RINT1: variants seen among roughly 807,000 people sequenced by gnomAD.
RINT1 encodes the protein RAD50-interacting protein 1.
RINT1 carries 75 observed loss-of-function variants against 97.7 expected under a neutral mutation model. The observed-to-expected ratio is 0.77, with a 90% CI of 0.64 to 0.93. RINT1 has a LOEUF of 0.93. Ranked by LOEUF, RINT1 falls within the 40% of genes least tolerant of loss-of-function variation. The pLI is 0.00. For synonymous variants in RINT1, 303 were observed against 326.3 expected (o/e 0.93, Z 0.77); for missense variants, 892 against 925.2 (o/e 0.96, Z 0.47).
intron 11 of RINT1, among the ~76,000 whole-genome samples, chr7:105,558,216 A>G (rs545869604): frequency 1.5e-4 from 22 of 150,264 alleles, no homozygotes; most frequent in Non-Finnish European, 2.5e-4. Context: ...AATCGCTTGA[A>G]CCCAGGAGGC....
intron 1 of RINT1, 101 bp downstream of exon 1, chr7:105,532,458 T>C: frequency 7.6e-7 from 1 of 1,322,386 alleles, no homozygotes; most frequent in Non-Finnish European, 1.1e-6. Context: ...CCCTGTAAGC[T>C]TGTGAAGGTG....
chr7:105,541,279 G>A (rs932451093), intron 3 of RINT1, among the ~76,000 whole-genome samples: 4 of 151,256 alleles, frequency 2.6e-5, no homozygotes, highest in African/African-American at 9.7e-5. Flanking sequence ...GGGATTACAA[G>A]GTGTGTGCCA....
Position 105,555,166 on chromosome 7 carries a change from G to C in RINT1, c.1610G>C (p.Cys537Ser), listed in dbSNP as rs757339645. ...AGAGCTTCCCTTGGCTTTCGATACT[G>C]TGCAATTCTTAATGCTGTGAACTAC... is the stretch of plus-strand genomic sequence containing the variant. ...ETRASLGFRY[C>S]AILNAVNYIS... The change falls in exon 11 of 15, where the codon TGT becomes TCT. Residue 537 changes from cysteine to serine, a missense_variant. Coordinates refer to ENST00000257700, the MANE Select transcript of RINT1 (RefSeq NM_021930.6). 18 of 1,614,076 alleles carry C rather than the reference G, an allele frequency of 1.1e-5. No individual in the cohort carries two copies. The highest frequency in any genetic ancestry group is 1.4e-5 in the Non-Finnish European group (17 of 1,180,010).
chr7:105,544,694 CA>C (rs1177961546), intron 4 of RINT1, among the ~76,000 whole-genome samples: 2 of 152,144 alleles, frequency 1.3e-5, no homozygotes, highest in African/African-American at 4.8e-5. Context: ...CTTGGCCTCC[CA>C]AAGTGCTGGG....
intron 10 of RINT1, among the ~76,000 whole-genome samples, chr7:105,552,390 A>T (rs1259204480): frequency 6.6e-6 from 1 of 152,174 alleles, no homozygotes; most frequent in East Asian, 1.9e-4. Context: ...AGAGTAAAAT[A>T]ATGAAGTAAT....
chr7:105,555,953 G>C (rs1012908057), intron 11 of RINT1, among the ~76,000 whole-genome samples: 1 of 152,110 alleles, frequency 6.6e-6, no homozygotes, highest in South Asian at 2.1e-4. Flanking sequence ...GTGAGACCCT[G>C]TCTCTACAAA....
chr7:105,555,119 A>G lies in RINT1; in HGVS notation c.1563A>G (p.Thr521=), dbSNP rs1306120527. Reference sequence around the variant, plus strand: ...TAGATGATTTTAGGATACGATTAACACAAGTGATGAAAGAAGAGACTAGAG... The same window carrying G: ...TAGATGATTTTAGGATACGATTAACGCAAGTGATGAAAGAAGAGACTAGAG... ...DLVDDFRIRL[T]QVMKEETRAS... is the part of the protein sequence containing the mutation. Residue 521 remains threonine (T), a synonymous_variant, in exon 11 of 15, where the codon ACA becomes ACG. Transcript: ENST00000257700. 6.2e-7 allele frequency: 1 copy of G among 1,614,074 alleles called. No homozygotes were observed.
chr7:105,547,429 C>A, intron 6 of RINT1, 96 bp downstream of exon 6: 1 of 1,237,324 alleles, frequency 8.1e-7, no homozygotes, highest in Non-Finnish European at 1.1e-6. Flanking sequence ...GCCAAGAAAG[C>A]CAAATAAGAA....
chr7:105,566,374 T>G (rs1264512172), intron 14 of RINT1: 1 of 152,192 alleles, frequency 6.6e-6, no homozygotes, highest in African/African-American at 2.4e-5. Context: ...CTAAAATTTA[T>G]AGGCCAGGCA....
chr7:105,532,344 C>A lies in RINT1; in HGVS notation c.29C>A (p.Ser10Tyr), dbSNP rs1301146115. The change falls in exon 1 of 15, where the codon TCT becomes TAT. Residue 10 changes from serine (S) to tyrosine (Y), a missense_variant. By Grantham distance (144) the Ser-to-Tyr change is moderately radical. Coordinates refer to ENST00000257700, the MANE Select transcript of RINT1 (RefSeq NM_021930.6). MLPAGEIGA[S>Y]PAAPCCSESG... ...CTACCAGCCGGCGAGATCGGCGCCT[C>A]TCCTGCAGCCCCGGTGAGACGGCCC... The A allele has an allele frequency of 3.1e-6, 5 of 1,600,294 alleles. No homozygotes were observed. The highest frequency in any genetic ancestry group is 1.7e-4 in the Middle Eastern group (1 of 6,044).
intron 2 of RINT1, among the ~76,000 whole-genome samples, chr7:105,534,558 AT>A (rs1790153789): frequency 6.7e-6 from 1 of 149,304 alleles, no homozygotes; most frequent in Non-Finnish European, 1.5e-5. Flanking sequence ...TTAATATTAT[AT>A]ATAATTATAT....
At chr7:105,543,342 G>T (rs140355143) in intron 4 of RINT1, among the ~76,000 whole-genome samples, 83 of 152,194 alleles carry the variant, frequency 5.5e-4, no homozygotes, top group African/African-American at 2.0e-3. Flanking sequence ...TGTATAATTT[G>T]AATATTTTTC....
chr7:105,563,685 CTG>C lies in RINT1; in HGVS notation c.1672-46_1672-45del, dbSNP rs766288465. 6.0e-5 allele frequency: 87 copies of C among 1,454,616 alleles called. No homozygotes were observed. In the African/African-American group the frequency reaches 1.1e-3, roughly 18 times the overall value. The allele number at this position is 1,454,616 out of a possible 1,614,324, so 90.1% of individuals were successfully genotyped here. On this transcript the variant is annotated intron_variant, in intron 11 of 14. Coordinates refer to ENST00000257700, the MANE Select transcript of RINT1 (RefSeq NM_021930.6). ...TATGACATATGAATTCTATTTCAAA[CTG>C]TTAAAAAAAAAGTATGCTAATGTGT... is the stretch of plus-strand genomic sequence containing the variant.
intron 14 of RINT1, among the ~76,000 whole-genome samples, chr7:105,566,163 A>T (rs1214881688): frequency 2.0e-5 from 3 of 151,236 alleles, no homozygotes; most frequent in Non-Finnish European, 4.4e-5. Flanking sequence ...CTGTAGTCCC[A>T]CCTGCTTGGG....
At chr7:105,566,165 C>T (rs1006061309) in intron 14 of RINT1, among the ~76,000 whole-genome samples, 2 of 150,948 alleles carry the variant, frequency 1.3e-5, no homozygotes, top group African/African-American at 4.9e-5. Flanking sequence ...GTAGTCCCAC[C>T]TGCTTGGGAG....
At chr7:105,563,968 A>C in intron 12 of RINT1, 21 bp downstream of exon 12, 1 of 1,530,900 alleles carries the variant, frequency 6.5e-7, no homozygotes, top group East Asian at 2.2e-5. Flanking sequence ...TATGTAAGTC[A>C]GCTCTTAACA....
intron 11 of RINT1, among the ~76,000 whole-genome samples, chr7:105,561,100 G>GA (rs77538953): frequency 0.01 from 1,368 of 134,448 alleles, 10 homozygotes; most frequent in Non-Finnish European, 0.013. Flanking sequence ...GAGTTTTAGA[G>GA]AAAAAAAAAA....
intron 11 of RINT1, among the ~76,000 whole-genome samples, chr7:105,558,863 G>T (rs1791301477): frequency 6.6e-6 from 1 of 151,962 alleles, no homozygotes; most frequent in East Asian, 1.9e-4. Flanking sequence ...TGGAGGCTGA[G>T]GTGGGAAGAT....
At chr7:105,566,040 T>C (rs2133484552) in intron 14 of RINT1, among the ~76,000 whole-genome samples, 1 of 152,076 alleles carries the variant, frequency 6.6e-6, no homozygotes, top group South Asian at 2.1e-4. Context: ...GAGGCTGAGT[T>C]GGGCAGATCA....
Sources: allele counts gnomAD v4.1 joint callset (sites outside exome capture counted in the v4.1 genomes callset), GRCh38; gene constraint gnomAD v4.1.1; transcripts MANE v1.5; gene names NCBI Gene and HGNC (gene_info 2026-07-23, HGNC 2026-07-21).